The following PCDH15 variants were observed in gnomAD, a reference collection of about 807,000 sequenced individuals.
The protein encoded by PCDH15 is protocadherin related 15, also known as protocadherin-15.
A neutral mutation model predicts 178.5 loss-of-function variants in PCDH15; 129 were observed. That is an observed-to-expected ratio of 0.72 (90% CI 0.63 to 0.84). The LOEUF (loss-of-function observed/expected upper bound fraction) is 0.84, where lower values mean the gene tolerates loss of function less well. Ranked by LOEUF, PCDH15 falls within the 40% of genes least tolerant of loss-of-function variation. The pLI is 0.00. For synonymous variants in PCDH15, 800 were observed against 732.0 expected (o/e 1.09, Z -1.50); for missense variants, 2,230 against 2,099.9 (o/e 1.06, Z -1.21).
At chr10:54,921,401 G>T (rs1009278309) in intron 2 of PCDH15, among the ~76,000 whole-genome samples, 16 of 151,982 alleles carry the variant, frequency 1.1e-4, no homozygotes, top group African/African-American at 3.9e-4. Context: ...TGTCCCAAGG[G>T]TTTGTTGTAC....
At chr10:55,359,013 G>GAGAC (rs1330660561) in intron 2 of PCDH15, among the ~76,000 whole-genome samples, 1 of 151,994 alleles carries the variant, frequency 6.6e-6, no homozygotes, top group African/African-American at 2.4e-5. Context: ...GCAACATAGT[G>GAGAC]AGACTCCTTC....
chr10:55,156,778 C>A (rs1359825498), intron 2 of PCDH15, among the ~76,000 whole-genome samples: 2 of 152,080 alleles, frequency 1.3e-5, no homozygotes, highest in East Asian at 3.9e-4. Flanking sequence ...TACACACAAT[C>A]ATCTATTGGT....
At chr10:54,452,421 TAATA>T (rs1297791002) in intron 3 of PCDH15, 2 of 152,070 alleles carry the variant, frequency 1.3e-5, no homozygotes, top group African/African-American at 4.8e-5. Context: ...ATATTTATGC[TAATA>T]AATCAATTAT....
At chr10:54,965,589 G>A (rs1354778037) in intron 2 of PCDH15, among the ~76,000 whole-genome samples, 1 of 135,470 alleles carries the variant, frequency 7.4e-6, no homozygotes, top group Admixed American at 8.1e-5. Context: ...GCATAGTATG[G>A]TTTTGTGAAA....
At chr10:54,783,256 A>T (rs1950541363) in intron 1 of PCDH15, among the ~76,000 whole-genome samples, 1 of 152,128 alleles carries the variant, frequency 6.6e-6, no homozygotes, top group African/African-American at 2.4e-5. Flanking sequence ...CTGAATGAGA[A>T]ATTCAACAAA....
chr10:53,911,649 A>G (rs2083096026), intron 25 of PCDH15, among the ~76,000 whole-genome samples: 1 of 152,212 alleles, frequency 6.6e-6, no homozygotes, highest in Non-Finnish European at 1.5e-5. Context: ...AAAAAAATCA[A>G]TGAATCCAGG....
At chr10:54,436,851 C>A (rs1399522747) in intron 3 of PCDH15, among the ~76,000 whole-genome samples, 1 of 152,120 alleles carries the variant, frequency 6.6e-6, no homozygotes, top group Non-Finnish European at 1.5e-5. Flanking sequence ...GTGGAAAATG[C>A]AAAGCATGAG....
At chr10:55,394,259 CT>C (rs1837869901) in intron 2 of PCDH15, among the ~76,000 whole-genome samples, 2 of 151,896 alleles carry the variant, frequency 1.3e-5, no homozygotes, top group African/African-American at 4.8e-5. Flanking sequence ...TTCTTTCCCA[CT>C]TTGGTCTCAC....
chr10:55,219,144 C>T (rs989580806), intron 1 of PCDH15, among the ~76,000 whole-genome samples: 1 of 151,922 alleles, frequency 6.6e-6, no homozygotes, highest in Non-Finnish European at 1.5e-5. Context: ...TTTCACTAAT[C>T]TCAGTATGTT....
At chr10:53,815,663 A>C (rs898389852) in intron 35 of PCDH15, among the ~76,000 whole-genome samples, 1 of 152,104 alleles carries the variant, frequency 6.6e-6, no homozygotes, top group Non-Finnish European at 1.5e-5. Context: ...AATTTGCCGT[A>C]AAATTAAAAG....
chr10:54,406,594 G>T (rs897264434), intron 3 of PCDH15, among the ~76,000 whole-genome samples: 1 of 151,974 alleles, frequency 6.6e-6, no homozygotes, highest in African/African-American at 2.4e-5. Context: ...GCAATTTTTG[G>T]AACAAAGGCA....
intron 2 of PCDH15, among the ~76,000 whole-genome samples, chr10:54,936,393 T>C (rs960644956): frequency 2.0e-5 from 3 of 151,982 alleles, no homozygotes; most frequent in African/African-American, 7.2e-5. Context: ...TGGGTATATA[T>C]CTAGGAGTGG....
At chr10:55,534,251 C>T (rs528496681) in intron 2 of PCDH15, among the ~76,000 whole-genome samples, 18 of 151,310 alleles carry the variant, frequency 1.2e-4, no homozygotes, top group South Asian at 2.1e-4. Flanking sequence ...GTGTTTTCTC[C>T]GAGCAAAAGA....
At chr10:55,027,608 T>C (rs1840505278) in intron 2 of PCDH15, among the ~76,000 whole-genome samples, 1 of 151,792 alleles carries the variant, frequency 6.6e-6, no homozygotes, top group South Asian at 2.1e-4. Flanking sequence ...ATAAAGAATG[T>C]TACATAATAG....
intron 2 of PCDH15, among the ~76,000 whole-genome samples, chr10:55,595,614 A>AT (rs1036117719): frequency 6.6e-6 from 1 of 152,048 alleles, no homozygotes; most frequent in African/African-American, 2.4e-5. Context: ...TATTTAAGTT[A>AT]TTTTTTTAAA....
chr10:55,088,113 C>T (rs376778168), intron 2 of PCDH15, among the ~76,000 whole-genome samples: 1 of 152,020 alleles, frequency 6.6e-6, no homozygotes. Flanking sequence ...ACATAAACTA[C>T]TCTTGTGTTA....
At chr10:55,579,367 A>C (rs1044468238) in intron 2 of PCDH15, among the ~76,000 whole-genome samples, 21 of 152,192 alleles carry the variant, frequency 1.4e-4, no homozygotes, top group African/African-American at 4.6e-4. Flanking sequence ...TAACGCTTCA[A>C]ACATCAGCTC....
chr10:54,087,233 G>C (rs2094529279), intron 16 of PCDH15, among the ~76,000 whole-genome samples: 1 of 152,088 alleles, frequency 6.6e-6, no homozygotes, highest in Non-Finnish European at 1.5e-5. Flanking sequence ...TAATCGCAGA[G>C]TTGTTCAATC....
At chr10:54,466,582 T>C (rs1408582057) in intron 3 of PCDH15, among the ~76,000 whole-genome samples, 31 of 152,018 alleles carry the variant, frequency 2.0e-4, no homozygotes, top group Non-Finnish European at 1.5e-5. Context: ...TGCTATAGCC[T>C]TGTAATATCT....
Sources: allele counts gnomAD v4.1 joint callset (sites outside exome capture counted in the v4.1 genomes callset), GRCh38; gene constraint gnomAD v4.1.1; transcripts MANE v1.5; gene names NCBI Gene and HGNC (gene_info 2026-07-23, HGNC 2026-07-21).